Variants in OCA2 observed in about 807,000 individuals in gnomAD.
OCA2 encodes the protein P protein.
In OCA2, 77 loss-of-function variants were observed where a neutral mutation model predicts 100.2. The ratio of observed to expected loss-of-function variants is 0.77; its 90% CI spans 0.64 to 0.93. OCA2 has a LOEUF of 0.93. OCA2 is among the 40% of genes least tolerant of loss of function. The probability of loss-of-function intolerance (pLI) is 0.00; values close to 1 mark genes in which losing one functional copy is unlikely to be tolerated. For synonymous variants in OCA2, 432 were observed against 439.2 expected (o/e 0.98, Z 0.21); for missense variants, 1,062 against 1,089.1 (o/e 0.98, Z 0.35).
At position 27,859,391 on chromosome 15, in the gene OCA2, C is replaced by T. The variant is rs148008549; in HGVS notation, c.2245-7916G>A. 2.6e-5 allele frequency among the ~76,000 whole-genome samples: 4 copies of T among 152,130 alleles called. No individual in the cohort carries two copies. In the East Asian group the frequency reaches 7.7e-4, roughly 29 times the overall value. On this transcript the variant is annotated intron_variant, in intron 21 of 23. Transcript: ENST00000354638. ...AAGGATTATAAAAGAAAACTATAAA[C>T]AATTACATGCCAACAAATTGTGTTA... is the stretch of plus-strand genomic sequence containing the variant.
intron 2 of OCA2, among the ~76,000 whole-genome samples, chr15:28,069,419 TCCCCCTCC>T (rs1566862764): frequency 0.059 from 531 of 9,024 alleles, 104 homozygotes; most frequent in East Asian, 0.27. Flanking sequence ...CCCCTCCCCC[TCCCCCTCC>T]CCCTCCCCCT....
At chr15:27,983,591 A>T (rs372940344) in intron 13 of OCA2, 108 bp from the exon 14 acceptor site, 1 of 1,034,174 alleles carries the variant, frequency 9.7e-7, no homozygotes, top group African/African-American at 1.6e-5. Context: ...GGAGGCGCGC[A>T]CACACACACA....
chr15:27,752,083 C>T (rs1470012592), downstream of OCA2, among the ~76,000 whole-genome samples: 2 of 152,204 alleles, frequency 1.3e-5, no homozygotes, highest in South Asian at 2.1e-4. Context: ...GCTGCTGCCA[C>T]GTTGCCTGCG....
intron 9 of OCA2, among the ~76,000 whole-genome samples, chr15:28,003,263 C>T (rs2041984004): frequency 6.6e-6 from 1 of 152,242 alleles, no homozygotes; most frequent in Non-Finnish European, 1.5e-5. Context: ...CTGCCAACTC[C>T]GCCAGCTTCG....
chr15:27,877,257 T>A (rs1416478663), intron 19 of OCA2, among the ~76,000 whole-genome samples: 1 of 151,966 alleles, frequency 6.6e-6, no homozygotes, highest in Non-Finnish European at 1.5e-5. Flanking sequence ...AATATTATAA[T>A]CTTGGTGAAT....
intron 23 of OCA2, among the ~76,000 whole-genome samples, chr15:27,766,070 C>A (rs1382999017): frequency 2.0e-5 from 3 of 152,158 alleles, no homozygotes; most frequent in African/African-American, 7.2e-5. Context: ...GACAAAGGAA[C>A]TTGTCAGCTT....
chr15:28,011,643 C>G (rs1465167574), intron 9 of OCA2, among the ~76,000 whole-genome samples: 1 of 152,086 alleles, frequency 6.6e-6, no homozygotes. Flanking sequence ...TGGCCCGGCA[C>G]AGTGGCTCAT....
chr15:27,931,983 C>T (rs2039267827), intron 18 of OCA2, among the ~76,000 whole-genome samples: 1 of 152,188 alleles, frequency 6.6e-6, no homozygotes, highest in Non-Finnish European at 1.5e-5. Context: ...TGCCTCTGAG[C>T]TTAAGGGATA....
At chr15:27,805,294 C>T (rs2033787359) in intron 23 of OCA2, among the ~76,000 whole-genome samples, 1 of 152,250 alleles carries the variant, frequency 6.6e-6, no homozygotes. Flanking sequence ...ACAGCGCGGG[C>T]AGTAAATCGG....
At chr15:27,928,557 T>C (rs1406758473) in intron 18 of OCA2, among the ~76,000 whole-genome samples, 3 of 152,142 alleles carry the variant, frequency 2.0e-5, no homozygotes, top group African/African-American at 7.2e-5. Flanking sequence ...GTCTGGAGGC[T>C]CTAGGGGAGG....
chr15:28,054,283 C>T (rs2043617072), intron 2 of OCA2, among the ~76,000 whole-genome samples: 1 of 152,126 alleles, frequency 6.6e-6, no homozygotes, highest in South Asian at 2.1e-4. Context: ...TGTGTGCATG[C>T]ATGTACACAT....
chr15:27,912,800 A>G (rs28791530), intron 19 of OCA2, among the ~76,000 whole-genome samples: 59,207 of 152,018 alleles, frequency 0.39, 11,655 homozygotes, highest in Middle Eastern at 0.55. Flanking sequence ...ATTTCCCCAC[A>G]AGATAATTTG....
chr15:27,877,914 G>C (rs2036857004), intron 19 of OCA2, among the ~76,000 whole-genome samples: 2 of 151,062 alleles, frequency 1.3e-5, no homozygotes, highest in Admixed American at 1.3e-4. Flanking sequence ...TCATTTCTGT[G>C]CCCATTTTTT....
In OCA2 at chr15:28,043,493, A is replaced by T. The variant is rs2043263607; in HGVS notation, c.228-11330T>A. 6.6e-6 allele frequency among the ~76,000 whole-genome samples: 1 copy of T among 152,214 alleles called. No homozygotes were observed. Among genetic ancestry groups the T allele is most frequent in the Non-Finnish European group, 1.5e-5 (1 of 68,046 alleles). ...GGCTTACACACAGGTAGTAAAACAG[A>T]ACATTCGATCCTTGGGCTTAAGTAA... On this transcript the variant is annotated intron_variant, in intron 2 of 23. Coordinates refer to ENST00000354638, the MANE Select transcript of OCA2 (RefSeq NM_000275.3). This position sits in a 1 kb window ranked among gnomAD's most constrained non-coding sequence, Gnocchi z 4.4.
intron 18 of OCA2, among the ~76,000 whole-genome samples, chr15:27,930,398 A>G (rs1291639196): frequency 2.0e-5 from 3 of 152,106 alleles, no homozygotes; most frequent in African/African-American, 7.2e-5. Context: ...CCAAATATAC[A>G]TATATACCAT....
intron 2 of OCA2, among the ~76,000 whole-genome samples, chr15:28,078,669 A>T (rs1425181286): frequency 6.6e-6 from 1 of 152,222 alleles, no homozygotes; most frequent in Non-Finnish European, 1.5e-5. Flanking sequence ...TTAGAGCCAT[A>T]CATGACAACT....
Position 28,092,221 on chromosome 15 carries a change from G to T in OCA2, c.-22+7003C>A, listed in dbSNP as rs187323922. Among the ~76,000 whole-genome samples, 59 of 152,264 alleles carry T rather than the reference G, an allele frequency of 3.9e-4. No individual in the cohort carries two copies. In the East Asian group the frequency reaches 5.4e-3, roughly 14 times the overall value. Reference sequence around the variant, plus strand: ...AAATTAGTTGCTGCTTATGGCTAGGGGAGGGGATAGGGTTGGAGGGAAATG... The same window carrying T: ...AAATTAGTTGCTGCTTATGGCTAGGTGAGGGGATAGGGTTGGAGGGAAATG... On this transcript the variant is annotated intron_variant, in intron 1 of 23. Coordinates refer to ENST00000354638, the MANE Select transcript of OCA2 (RefSeq NM_000275.3).
At chr15:28,006,981 G>C (rs1395311025) in intron 9 of OCA2, among the ~76,000 whole-genome samples, 1 of 152,146 alleles carries the variant, frequency 6.6e-6, no homozygotes, top group Non-Finnish European at 1.5e-5. Context: ...CATCTCCCTC[G>C]AATTTAATTT....
At chr15:27,738,493 T>C in the OCA2 span, among the ~76,000 whole-genome samples, 1 of 152,154 alleles carries the variant, frequency 6.6e-6, no homozygotes, top group African/African-American at 2.4e-5. Context: ...CCCAGCATTT[T>C]GGGAGGCCGA....
Sources: gnomAD v4.1 joint callset for allele counts (sites outside exome capture counted in the v4.1 genomes callset) on GRCh38, gnomAD v4.1.1 for gene constraint, Gnocchi (gnomAD v3.1) non-coding constraint, MANE v1.5 for transcripts, NCBI Gene and HGNC (gene_info 2026-07-23, HGNC 2026-07-21) for gene names.